CERS4: variants seen among roughly 807,000 people sequenced by gnomAD.
CERS4 encodes LAG1 homolog, ceramide synthase 4.
Under a neutral mutation model 51.8 loss-of-function variants are expected in CERS4, and 65 were observed. The observed-to-expected ratio is 1.26, with a 90% CI of 1.03 to 1.54. The LOEUF (loss-of-function observed/expected upper bound fraction) is 1.54. CERS4 is among the 40% of genes most tolerant of loss of function. The probability of loss-of-function intolerance (pLI) is 0.00; values close to 1 mark genes in which losing one functional copy is unlikely to be tolerated. For synonymous variants in CERS4, 228 were observed against 208.4 expected (o/e 1.09, Z -0.81); for missense variants, 563 against 500.4 (o/e 1.13, Z -1.19).
At chr19:8,232,300 C>CT (rs1162397651) in intron 2 of CERS4, among the ~76,000 whole-genome samples, 5 of 151,044 alleles carry the variant, frequency 3.3e-5, no homozygotes, top group Non-Finnish European at 7.4e-5. Context: ...TTTTTCTTTT[C>CT]TTTTTTTTAA....
intron 4 of CERS4, 41 bp from the exon 5 acceptor site, chr19:8,255,566 C>G: frequency 6.4e-7 from 1 of 1,556,792 alleles, no homozygotes; most frequent in Admixed American, 1.8e-5. Flanking sequence ...GAAGCCACCA[C>G]AGGGCCTCTG....
chr19:8,261,702 C>CA lies in CERS4; in HGVS notation c.864dup (p.Tyr289IlefsTer41). 6.2e-7 allele frequency: 1 copy of CA among 1,614,140 alleles called. No homozygotes were observed. Among genetic ancestry groups the CA allele is most frequent in the Non-Finnish European group, 8.5e-7 (1 of 1,180,030 alleles). Reference sequence around the variant, plus strand: ...CCTGGCTGTAGGATCCTCTACACCACATACTACGAGTCCATCAGCAACAGG... The same window carrying CA: ...CCTGGCTGTAGGATCCTCTACACCACAATACTACGAGTCCATCAGCAACAGG... On this transcript the variant is annotated frameshift_variant, in exon 11 of 12. Coordinates refer to ENST00000251363, the MANE Select transcript of CERS4 (RefSeq NM_024552.3). LOFTEE classifies it high-confidence loss of function.
At chr19:8,250,348 G>T (rs1486596646) in intron 2 of CERS4, among the ~76,000 whole-genome samples, 1 of 152,182 alleles carries the variant, frequency 6.6e-6, no homozygotes, top group Non-Finnish European at 1.5e-5. Flanking sequence ...GTTAAGTGCA[G>T]AGTAATAACT....
At chr19:8,247,737 T>C (rs1210093041) in intron 2 of CERS4, among the ~76,000 whole-genome samples, 3 of 148,974 alleles carry the variant, frequency 2.0e-5, no homozygotes, top group Non-Finnish European at 4.5e-5. Context: ...CGCATCTTTT[T>C]TTTTTTTTTT....
At chr19:8,232,311 G>T (rs1968046532) in intron 2 of CERS4, among the ~76,000 whole-genome samples, 1 of 150,666 alleles carries the variant, frequency 6.6e-6, no homozygotes, top group Admixed American at 6.6e-5. Context: ...TTTTTTTTAA[G>T]ACAGAATCTT....
At chr19:8,244,065 G>A (rs1968652306) in intron 2 of CERS4, among the ~76,000 whole-genome samples, 1 of 152,238 alleles carries the variant, frequency 6.6e-6, no homozygotes, top group African/African-American at 2.4e-5. Context: ...GTCTTAAAAT[G>A]AAGAAGACGG....
intron 2 of CERS4, among the ~76,000 whole-genome samples, chr19:8,234,260 T>G (rs927843351): frequency 4.0e-5 from 6 of 149,736 alleles, no homozygotes; most frequent in African/African-American, 1.5e-4. Context: ...GAACTGAGAT[T>G]GCGCCACTGC....
chr19:8,234,181 C>G (rs1282678270), intron 2 of CERS4, among the ~76,000 whole-genome samples: 2 of 152,170 alleles, frequency 1.3e-5, no homozygotes, highest in African/African-American at 4.8e-5. Flanking sequence ...TGGCAGGTGC[C>G]TGTAGTCCCA....
intron 2 of CERS4, among the ~76,000 whole-genome samples, chr19:8,234,881 G>A (rs1202995738): frequency 6.6e-6 from 1 of 151,540 alleles, no homozygotes; most frequent in Non-Finnish European, 1.5e-5. Context: ...ACTATGAATG[G>A]GACTATTCTA....
Position 8,255,819 on chromosome 19 carries a change from C to T in CERS4, c.411-3C>T, listed in dbSNP as rs771939708. 1.2e-6 allele frequency: 2 copies of T among 1,614,006 alleles called. No homozygotes were observed. The highest frequency in any genetic ancestry group is 8.5e-7 in the Non-Finnish European group (1 of 1,180,026). Reference sequence around the variant, plus strand: ...ATTTTCACAGCTCCCTCCCCATCCACAGCTGGAGGTTTCTCTTCTACCTGT... The same window carrying T: ...ATTTTCACAGCTCCCTCCCCATCCATAGCTGGAGGTTTCTCTTCTACCTGT... On this transcript the variant is annotated splice_polypyrimidine_tract_variant and splice_region_variant and intron_variant, in intron 5 of 11. Transcript: ENST00000251363.
chr19:8,226,594 G>C (rs1967798017), intron 2 of CERS4, among the ~76,000 whole-genome samples: 1 of 152,216 alleles, frequency 6.6e-6, no homozygotes, highest in Non-Finnish European at 1.5e-5. Flanking sequence ...CATCACCAAA[G>C]GGGCTGATCT....
intron 2 of CERS4, among the ~76,000 whole-genome samples, chr19:8,242,498 C>A (rs895237999): frequency 6.6e-6 from 1 of 152,176 alleles, no homozygotes; most frequent in Non-Finnish European, 1.5e-5. Context: ...TGCAAAAACA[C>A]TGGCCAGCTC....
At chr19:8,232,264 A>T (rs1249197908) in intron 2 of CERS4, among the ~76,000 whole-genome samples, 1 of 151,878 alleles carries the variant, frequency 6.6e-6, no homozygotes, top group Admixed American at 6.6e-5. Context: ...CTTTAGAGTG[A>T]TACTGTCCAG....
chr19:8,254,322 C>CCAAAAAAAA (rs1555779245), intron 3 of CERS4, among the ~76,000 whole-genome samples, 177 bp from the exon 4 acceptor site: 3 of 38,772 alleles, frequency 7.7e-5, no homozygotes, highest in Admixed American at 4.6e-4. Context: ...TACTCTGTCT[C>CCAAAAAAAA]AAAAAAAAAA....
intron 2 of CERS4, among the ~76,000 whole-genome samples, chr19:8,231,909 A>G (rs1299510149): frequency 3.5e-5 from 5 of 141,056 alleles, no homozygotes; most frequent in Non-Finnish European, 7.6e-5. Flanking sequence ...CAGTGGTGCA[A>G]TCATAGCTTC....
Position 8,255,423 on chromosome 19 carries a change from G to A in CERS4, c.292-184G>A, listed in dbSNP as rs1290160527. Among the ~76,000 whole-genome samples the A allele has an allele frequency of 4.6e-5, 7 of 152,222 alleles. No individual in the cohort carries two copies. In the East Asian group the frequency reaches 1.4e-3, roughly 29 times the overall value. Reference sequence around the variant, plus strand: ...TATGAACAGGATTTGCTTCTCTTAGGGCCCAAGTGTTCTGCAGGGCCCCAC... The same window carrying A: ...TATGAACAGGATTTGCTTCTCTTAGAGCCCAAGTGTTCTGCAGGGCCCCAC... On this transcript the variant is annotated intron_variant, in intron 4 of 11. Coordinates refer to ENST00000251363, the MANE Select transcript of CERS4 (RefSeq NM_024552.3).
chr19:8,229,267 G>C (rs1287343698), intron 2 of CERS4, among the ~76,000 whole-genome samples: 1 of 152,176 alleles, frequency 6.6e-6, no homozygotes, highest in Non-Finnish European at 1.5e-5. Context: ...GGAGGCTGCA[G>C]TGAGCTATGA....
chr19:8,261,262 T>C (rs7251420), intron 10 of CERS4: 2,896 of 174,256 alleles, frequency 0.017, 95 homozygotes, highest in African/African-American at 0.065. Context: ...GATGGAGCCC[T>C]GCTCCCTGTG....
At chr19:8,233,285 C>G (rs868149422) in intron 2 of CERS4, among the ~76,000 whole-genome samples, 1 of 151,982 alleles carries the variant, frequency 6.6e-6, no homozygotes, top group South Asian at 2.1e-4. Flanking sequence ...CCTGCCTCAG[C>G]CTCCCGAGTA....
Sources: allele counts gnomAD v4.1 joint callset (sites outside exome capture counted in the v4.1 genomes callset), GRCh38; gene constraint gnomAD v4.1.1; transcripts MANE v1.5; gene names NCBI Gene and HGNC (gene_info 2026-07-23, HGNC 2026-07-21).